The following ANO2 variants were observed in gnomAD, a reference collection of about 807,000 sequenced individuals.
ANO2 encodes the protein anoctamin 2, also known as anoctamin-2.
A neutral mutation model predicts 124.2 loss-of-function variants in ANO2; 101 were observed. The ratio of observed to expected loss-of-function variants is 0.81; its 90% confidence interval spans 0.69 to 0.96. The LOEUF (loss-of-function observed/expected upper bound fraction) is 0.96, where lower values mean the gene tolerates loss of function less well. Among genes scored for constraint, ANO2 ranks in the 40% least tolerant of loss-of-function variants. The probability of loss-of-function intolerance (pLI) is 0.00; values close to 1 mark genes in which losing one functional copy is unlikely to be tolerated. For synonymous variants in ANO2, 486 were observed against 482.5 expected, an observed-to-expected ratio of 1.01 and a Z score of -0.09; for missense variants, 1,293 against 1,274.5, an observed-to-expected ratio of 1.01 and a Z score of -0.22.
chr12:5,644,875 A>G (rs1173465131), intron 15 of ANO2, among the ~76,000 whole-genome samples: 1 of 152,180 alleles, frequency 6.6e-6, no homozygotes, highest in East Asian at 1.9e-4. Context: ...GCACGTGAAG[A>G]GGGCATTTCA....
At chr12:5,581,272 T>C (rs542477381) in intron 20 of ANO2, among the ~76,000 whole-genome samples, 2 of 152,308 alleles carry the variant, frequency 1.3e-5, no homozygotes, top group Non-Finnish European at 2.9e-5. Flanking sequence ...CAAATGTTCT[T>C]ATCATGAGTG....
intron 19 of ANO2, chr12:5,609,106 G>T (rs1944354343): frequency 6.6e-6 from 1 of 152,182 alleles, no homozygotes. Context: ...CATAACAAAT[G>T]ATGTCTCTCT....
At position 5,732,533 on chromosome 12, in the gene ANO2, T is replaced by C; in HGVS notation, c.1532A>G (p.Glu511Gly). 2 of 1,613,184 alleles carry C rather than the reference T, an allele frequency of 1.2e-6. No homozygotes were observed. Among genetic ancestry groups the C allele is most frequent in the Non-Finnish European group, 1.7e-6 (2 of 1,179,518 alleles). The change falls in exon 14 of 25, where the codon GAG (glutamate) becomes GGG (glycine). Residue 511 changes from glutamate (E) to glycine (G), a missense_variant. Coordinates refer to ENST00000682330, the MANE Select transcript of ANO2 (RefSeq NM_001364791.2). ...CCAGCTTCATACCTCATCGCCACAC[T>C]CCGTCGTGTTTGTTTCCAATTTCTG... Reference protein sequence around the residue: ...AVQKLETNTTECGDEDDEDKL... With the variant: ...AVQKLETNTTGCGDEDDEDKL...
At chr12:5,679,522 CA>C (rs1948401642) in intron 14 of ANO2, among the ~76,000 whole-genome samples, 2 of 151,980 alleles carry the variant, frequency 1.3e-5, no homozygotes, top group African/African-American at 4.8e-5. Context: ...ATGCAGCCAA[CA>C]AATATATGAA....
At chr12:5,789,448 ACT>A (rs1952635252) in intron 10 of ANO2, among the ~76,000 whole-genome samples, 1 of 152,134 alleles carries the variant, frequency 6.6e-6, no homozygotes, top group African/African-American at 2.4e-5. Flanking sequence ...TTGAATGTGG[ACT>A]CTATGAAAGA....
Position 5,696,000 on chromosome 12 carries a change from G to C in ANO2, c.1545+36520C>G, listed in dbSNP as rs553100988. Among the ~76,000 whole-genome samples the C allele has an allele frequency of 9.9e-5, 15 of 150,760 alleles. 1 individual carries two copies. In the East Asian group the frequency reaches 2.5e-3, roughly 25 times the overall value. On this transcript the variant is annotated intron_variant, in intron 14 of 24. Coordinates refer to ENST00000682330, the MANE Select transcript of ANO2 (RefSeq NM_001364791.2). ...CACATAAATATGTGTTGAGTTACAGGGGGAAAAAATAGTAAATGAAAAAAC... is the reference window on the plus strand; with the variant it reads ...CACATAAATATGTGTTGAGTTACAGCGGGAAAAAATAGTAAATGAAAAAAC...
intron 1 of ANO2, among the ~76,000 whole-genome samples, chr12:5,942,360 A>T (rs945580835): frequency 1.4e-4 from 22 of 152,260 alleles, no homozygotes; most frequent in Non-Finnish European, 1.3e-4. Context: ...CACGTGATAA[A>T]TAATACTCAT....
At chr12:5,766,714 A>G (rs932722728) in intron 10 of ANO2, among the ~76,000 whole-genome samples, 2 of 152,234 alleles carry the variant, frequency 1.3e-5, no homozygotes, top group African/African-American at 4.8e-5. Flanking sequence ...GAGGCAGCAT[A>G]GTCACATAAT....
chr12:5,732,908 G>T, intron 13 of ANO2: 1 of 1,613,884 alleles, frequency 6.2e-7, no homozygotes, highest in Non-Finnish European at 8.5e-7. Context: ...GAGAAAAAGA[G>T]AGGAAATGTT....
intron 14 of ANO2, among the ~76,000 whole-genome samples, chr12:5,671,542 T>A (rs578077868): frequency 2.0e-5 from 3 of 151,934 alleles, no homozygotes; most frequent in Non-Finnish European, 4.4e-5. Flanking sequence ...TGTGTGTGCA[T>A]CTCAGGGCAG....
At chr12:5,603,898 T>C (rs528737756) in intron 19 of ANO2, among the ~76,000 whole-genome samples, 3 of 127,294 alleles carry the variant, frequency 2.4e-5, no homozygotes, top group East Asian at 4.7e-4. Flanking sequence ...TGAGCTGAGA[T>C]AGCGCCACTG....
chr12:5,627,188 T>C (rs1395995559), intron 16 of ANO2, among the ~76,000 whole-genome samples: 1 of 152,190 alleles, frequency 6.6e-6, no homozygotes, highest in African/African-American at 2.4e-5. Flanking sequence ...ATCCTCTCTG[T>C]TTCCCAGACA....
intron 14 of ANO2, among the ~76,000 whole-genome samples, chr12:5,705,141 A>G (rs774661904): frequency 1.3e-5 from 2 of 152,234 alleles, no homozygotes; most frequent in Non-Finnish European, 2.9e-5. Context: ...GATATGTTTT[A>G]TGGGGAATGG....
intron 14 of ANO2, among the ~76,000 whole-genome samples, chr12:5,715,436 A>G (rs1261083588): frequency 6.6e-6 from 1 of 152,194 alleles, no homozygotes; most frequent in African/African-American, 2.4e-5. Context: ...GAAGATGTGG[A>G]CAGTTCCAGG....
At chr12:5,906,893 G>C (rs1940740070) in intron 3 of ANO2, among the ~76,000 whole-genome samples, 1 of 152,110 alleles carries the variant, frequency 6.6e-6, no homozygotes, top group Non-Finnish European at 1.5e-5. Context: ...AATCCATTCA[G>C]CGGCAAGCAT....
At chr12:5,660,823 T>C (rs1054400477) in intron 14 of ANO2, among the ~76,000 whole-genome samples, 1 of 152,146 alleles carries the variant, frequency 6.6e-6, no homozygotes, top group Admixed American at 6.5e-5. Context: ...TCCATGCTCA[T>C]AATATTGGGA....
intron 15 of ANO2, among the ~76,000 whole-genome samples, chr12:5,641,660 C>T (rs1946399854): frequency 6.6e-6 from 1 of 152,188 alleles, no homozygotes; most frequent in Admixed American, 6.5e-5. Context: ...AGCTCCTGCC[C>T]ACATGGTTCA....
chr12:5,892,049 T>C (rs1026325617), intron 3 of ANO2, among the ~76,000 whole-genome samples: 2 of 150,628 alleles, frequency 1.3e-5, no homozygotes, highest in Non-Finnish European at 1.5e-5. Flanking sequence ...TTGAAATGAA[T>C]AGAAAGAGAC....
At chr12:5,941,985 G>A (rs868193201) in intron 1 of ANO2, among the ~76,000 whole-genome samples, 4 of 152,172 alleles carry the variant, frequency 2.6e-5, no homozygotes, top group African/African-American at 4.8e-5. Context: ...AATGTCACCA[G>A]CAGAACTGCA....
Sources: allele counts gnomAD v4.1 joint callset (sites outside exome capture counted in the v4.1 genomes callset), GRCh38; gene constraint gnomAD v4.1.1; transcripts MANE v1.5; gene names NCBI Gene and HGNC (gene_info 2026-07-23, HGNC 2026-07-21).